PPARA: variants seen among roughly 807,000 people sequenced by gnomAD.
The protein encoded by PPARA is peroxisome proliferator activated receptor alpha.
A neutral mutation model predicts 42.2 loss-of-function variants in PPARA; 22 were observed. The ratio of observed to expected loss-of-function variants is 0.52; its 90% CI spans 0.37 to 0.74. PPARA has a LOEUF of 0.74. PPARA is among the 30% of genes least tolerant of loss of function. PPARA has a pLI of 0.00. For missense variants in PPARA, 465 were observed against 608.2 expected, an observed-to-expected ratio of 0.76 and a Z score of 2.48; for synonymous variants, 242 against 239.3, an observed-to-expected ratio of 1.01 and a Z score of -0.10.
At chr22:46,175,513 A>T (rs1349840741) in intron 2 of PPARA, among the ~76,000 whole-genome samples, 11 of 151,794 alleles carry the variant, frequency 7.2e-5, no homozygotes, top group Admixed American at 7.2e-4. Context: ...GGAGATCGAG[A>T]CCATCCTGGC....
chr22:46,207,671 A>AT (rs1196769346), intron 4 of PPARA, among the ~76,000 whole-genome samples: 947 of 74,056 alleles, frequency 0.013, 58 homozygotes, highest in Non-Finnish European at 0.019. Context: ...TATTATTATT[A>AT]TTATTATTTT....
Position 46,161,866 on chromosome 22 carries a change from T to G in PPARA, c.-127+9896T>G, listed in dbSNP as rs537070874. On this transcript the variant is annotated intron_variant, in intron 2 of 8. Transcript: ENST00000407236. The surrounding 1 kb of genome is among the most constrained non-coding windows in gnomAD (Gnocchi z 4.8). ...TCTGGATGCCCCCACCCCCTCTGGCTCCACGAGGCCCCCTGTACGTCACCA... is the reference window on the plus strand; with the variant it reads ...TCTGGATGCCCCCACCCCCTCTGGCGCCACGAGGCCCCCTGTACGTCACCA... 6.6e-6 allele frequency among the ~76,000 whole-genome samples: 1 copy of G among 152,048 alleles called. No individual in the cohort carries two copies. Among genetic ancestry groups the G allele is most frequent in the Non-Finnish European group, 1.5e-5 (1 of 68,002 alleles).
intron 4 of PPARA, among the ~76,000 whole-genome samples, chr22:46,208,419 A>G (rs1250634527): frequency 6.6e-6 from 1 of 151,986 alleles, no homozygotes; most frequent in East Asian, 1.9e-4. Context: ...GCGGTGGTAC[A>G]CGCCTATAGT....
rs1327117235 is a variant in PPARA at position 46,236,699 on chromosome 22, ATG to A, written c.*1323_*1324del. The A allele has an allele frequency of 6.6e-6, 1 of 152,632 alleles. No individual in the cohort carries two copies. Among genetic ancestry groups the A allele is most frequent in the African/African-American group, 2.4e-5 (1 of 41,464 alleles). 9.5% of individuals were successfully genotyped at this position (152,632 alleles called of 1,614,324 possible). ...GCTCTCTGGAGCGCAGACGAGGCACATGTGTCTTCATAGCCTGGGCTGGGTGG... is the reference window on the plus strand; with the variant it reads ...GCTCTCTGGAGCGCAGACGAGGCACATGTCTTCATAGCCTGGGCTGGGTGG... On this transcript the variant is annotated 3_prime_UTR_variant, in exon 9 of 9. Coordinates refer to ENST00000407236, the MANE Select transcript of PPARA (RefSeq NM_005036.6). The surrounding 1 kb of genome is among the most constrained non-coding windows in gnomAD (Gnocchi z 5.2).
In PPARA at chr22:46,236,461, A is replaced by C. The variant is rs1936208228; in HGVS notation, c.*1081A>C. 1 of 152,646 alleles carries C rather than the reference A, an allele frequency of 6.6e-6. No homozygotes were observed. Among genetic ancestry groups the C allele is most frequent in the South Asian group, 2.1e-4 (1 of 4,828 alleles). 9.5% of individuals were successfully genotyped at this position (152,646 alleles called of 1,614,324 possible). ...GTAAGCGGGACGAGACAAGCTCCCG[A>C]AGCCCGCCAGCTTCCTGCTCCACTC... On this transcript the variant is annotated 3_prime_UTR_variant, in exon 9 of 9. Transcript: ENST00000407236. This position sits in a 1 kb window ranked among gnomAD's most constrained non-coding sequence, Gnocchi z 5.2.
At chr22:46,205,500 G>A (rs1206397932) in intron 4 of PPARA, among the ~76,000 whole-genome samples, 3 of 125,396 alleles carry the variant, frequency 2.4e-5, no homozygotes, top group Admixed American at 8.9e-5. Context: ...GATTACAGGC[G>A]TGAGCCACCA....
chr22:46,194,393 AAACT>A (rs1249875844), intron 3 of PPARA, among the ~76,000 whole-genome samples: 3 of 152,186 alleles, frequency 2.0e-5, no homozygotes, highest in Admixed American at 1.3e-4. Flanking sequence ...AACGACAAGC[AAACT>A]AACATTGTTT....
At chr22:46,217,819 C>CT (rs60894989) in intron 5 of PPARA, among the ~76,000 whole-genome samples, 1,309 of 77,018 alleles carry the variant, frequency 0.017, 139 homozygotes, top group Non-Finnish European at 0.022. Flanking sequence ...CTATTTCTTT[C>CT]TTTTTTTTTT....
chr22:46,197,377 T>A (rs574512373), intron 3 of PPARA, among the ~76,000 whole-genome samples: 2 of 152,146 alleles, frequency 1.3e-5, no homozygotes, highest in Non-Finnish European at 2.9e-5. Context: ...CTCCGCTGTG[T>A]CCCCAGCACC....
At chr22:46,218,428 C>T in intron 6 of PPARA, 27 bp downstream of exon 6, 1 of 1,613,960 alleles carries the variant, frequency 6.2e-7, no homozygotes. Context: ...TGCACATTTT[C>T]CCAGTTCGTT....
intron 2 of PPARA, among the ~76,000 whole-genome samples, chr22:46,153,934 T>A (rs939449141): frequency 1.3e-5 from 2 of 152,202 alleles, no homozygotes; most frequent in African/African-American, 4.8e-5. Context: ...CTTTATACAC[T>A]ATTTTGTAAC....
intron 6 of PPARA, 44 bp downstream of exon 6, chr22:46,218,445 T>A: frequency 1.9e-6 from 3 of 1,612,346 alleles, no homozygotes; most frequent in Non-Finnish European, 2.5e-6. Context: ...CGTTCCTCAG[T>A]TCCCCTTCCT....
intron 4 of PPARA, among the ~76,000 whole-genome samples, chr22:46,208,564 A>AT (rs1315039766): frequency 2.7e-5 from 4 of 149,382 alleles, no homozygotes; most frequent in Non-Finnish European, 6.0e-5. Context: ...AAAAAAAAAA[A>AT]GTCTATTCCT....
In PPARA at chr22:46,225,773, G is replaced by A. The variant is rs117740537; in HGVS notation, c.711+5759G>A. Among the ~76,000 whole-genome samples the A allele has an allele frequency of 0.014, 1,713 of 123,814 alleles. 20 individuals are homozygous for A. Among genetic ancestry groups the A allele is most frequent in the Middle Eastern group, 0.035 (8 of 228 alleles). 81.2% of individuals were successfully genotyped at this position (123,814 alleles called of 152,430 possible). On this transcript the variant is annotated intron_variant, in intron 7 of 8. Coordinates refer to ENST00000407236, the MANE Select transcript of PPARA (RefSeq NM_005036.6). The surrounding 1 kb of genome is among the most constrained non-coding windows in gnomAD (Gnocchi z 4.1). ...CACACTCACACATCCATGCATGCAC[G>A]TGTAAACACACACACCCCCACACAT...
Position 46,233,738 on chromosome 22 carries a change from T to C in PPARA, c.1160-1395T>C, listed in dbSNP as rs937594395. On this transcript the variant is annotated intron_variant, in intron 8 of 8. Coordinates refer to ENST00000407236, the MANE Select transcript of PPARA (RefSeq NM_005036.6). The surrounding 1 kb of genome is among the most constrained non-coding windows in gnomAD (Gnocchi z 7.3). ...TAATCCTATATCAATCCTATGTATA[T>C]AGAAAAATGTCCAGTGAGATATATG... Among the ~76,000 whole-genome samples the C allele has an allele frequency of 1.3e-5, 2 of 152,158 alleles. No individual in the cohort carries two copies. The highest frequency in any genetic ancestry group is 6.5e-5 in the Admixed American group (1 of 15,268).
rs1184221798 is a variant in PPARA at position 46,224,660 on chromosome 22, T to C, written c.711+4646T>C. Among the ~76,000 whole-genome samples, 10 of 152,086 alleles carry C rather than the reference T, an allele frequency of 6.6e-5. No homozygotes were observed. The highest frequency in any genetic ancestry group is 1.5e-4 in the Non-Finnish European group (10 of 68,028). The stretch of plus-strand genomic sequence containing the variant: ...GGGGATGAGAGGCGGCACAGTAAAC[T>C]GTCCAGGCCAGTAAACTAATGGATT... On this transcript the variant is annotated intron_variant, in intron 7 of 8. Transcript: ENST00000407236. The surrounding 1 kb of genome is among the most constrained non-coding windows in gnomAD (Gnocchi z 5.7).
rs1405105356 is a variant in PPARA, at chr22:46,243,598, G to C, written c.*8218G>C. 1 of 152,344 alleles carries C rather than the reference G, an allele frequency of 6.6e-6. No individual in the cohort carries two copies. Among genetic ancestry groups the C allele is most frequent in the Non-Finnish European group, 1.5e-5 (1 of 68,018 alleles). 9.4% of individuals were successfully genotyped at this position (152,344 alleles called of 1,614,324 possible). A position where few individuals can be genotyped will look rare whatever the true frequency, so the allele number is the denominator to read the frequency against. On this transcript the variant is annotated 3_prime_UTR_variant, in exon 9 of 9. Transcript: ENST00000407236. This position sits in a 1 kb window ranked among gnomAD's most constrained non-coding sequence, Gnocchi z 5.0. ...ATCTTGGGTCTTCGTTTTCCTATTA[G>C]GAGACTGAACTGACCACATGTATTG...
At position 46,198,528 on chromosome 22, in the gene PPARA, T is replaced by A; in HGVS notation, c.145T>A (p.Phe49Ile). ...QSIGEDSSGSFGFTEYQYLGS... is the reference protein window; with the variant it reads ...QSIGEDSSGSIGFTEYQYLGS... ...CATCGGCGAGGATAGTTCTGGAAGCTTTGGCTTTACGGAATACCAGTATTT... is the reference window on the plus strand; with the variant it reads ...CATCGGCGAGGATAGTTCTGGAAGCATTGGCTTTACGGAATACCAGTATTT... The change falls in exon 4 of 9, where the codon TTT becomes ATT. Residue 49 changes from phenylalanine to isoleucine, a missense_variant. This residue lies in a region of PPARA where 152 missense variants were observed against 139.1 expected (regional missense o/e 1.09). Coordinates refer to ENST00000407236, the MANE Select transcript of PPARA (RefSeq NM_005036.6). 1 of 1,614,106 alleles carries A rather than the reference T, an allele frequency of 6.2e-7. No individual in the cohort carries two copies. The highest frequency in any genetic ancestry group is 8.5e-7 in the Non-Finnish European group (1 of 1,180,018).
intron 3 of PPARA, among the ~76,000 whole-genome samples, chr22:46,186,169 T>G (rs1163744364): frequency 6.6e-6 from 1 of 151,542 alleles, no homozygotes; most frequent in Non-Finnish European, 1.5e-5. Flanking sequence ...CAGTGTAGAC[T>G]TACATTCATA....
Sources: gnomAD v4.1 joint callset for allele counts (sites outside exome capture counted in the v4.1 genomes callset) on GRCh38, gnomAD v4.1.1 for gene constraint, gnomAD v4.1.1 regional missense constraint, Gnocchi (gnomAD v3.1) non-coding constraint, MANE v1.5 for transcripts, NCBI Gene and HGNC (gene_info 2026-07-23, HGNC 2026-07-21) for gene names.